The following CARMIL1 variants were observed in gnomAD, a reference collection of about 807,000 sequenced individuals.
CARMIL1 encodes capping protein regulator and myosin 1 linker 1.
A neutral mutation model predicts 177.1 loss-of-function variants in CARMIL1; 90 were observed. That is an observed-to-expected ratio of 0.51 (90% CI 0.43 to 0.61). The LOEUF (loss-of-function observed/expected upper bound fraction) is 0.61, where lower values mean the gene tolerates loss of function less well. Among genes scored for constraint, CARMIL1 ranks in the 20% least tolerant of loss-of-function variants. The pLI is 0.00. For synonymous variants in CARMIL1, 577 were observed against 606.2 expected (o/e 0.95, Z 0.71); for missense variants, 1,380 against 1,667.0 (o/e 0.83, Z 3.00).
intron 31 of CARMIL1, among the ~76,000 whole-genome samples, chr6:25,589,630 G>A (rs963859048): frequency 1.3e-5 from 2 of 152,130 alleles, no homozygotes; most frequent in Non-Finnish European, 2.9e-5. Flanking sequence ...TGGGATTACA[G>A]GTGTGCACCA....
intron 11 of CARMIL1, among the ~76,000 whole-genome samples, chr6:25,479,647 A>G (rs1326312497): frequency 6.6e-6 from 1 of 152,042 alleles, no homozygotes; most frequent in Non-Finnish European, 1.5e-5. Flanking sequence ...GCTGCTATCT[A>G]TTTAACTGGA....
At position 25,281,136 on chromosome 6, in the gene CARMIL1, G is replaced by GCGCACACACACA. The variant is rs10642536; in HGVS notation, c.40+1302_40+1303insGCACACACACAC. 2.4e-4 allele frequency among the ~76,000 whole-genome samples: 32 copies of GCGCACACACACA among 132,192 alleles called. No homozygotes were observed. The East Asian group carries it at 3.6e-3, about 15-fold the overall frequency. The allele number at this position is 132,192 out of a possible 152,430, so 86.7% of individuals were successfully genotyped here. A position where few individuals can be genotyped will look rare whatever the true frequency, so the allele number is the denominator to read the frequency against. On this transcript the variant is annotated intron_variant, in intron 1 of 36. Coordinates refer to ENST00000329474, the MANE Select transcript of CARMIL1 (RefSeq NM_017640.6). Reference sequence around the variant, plus strand: ...CAGACGCACGCGCGTGTGCGCGCGCGCACACACACACACACACACACACAC... The same window carrying GCGCACACACACA: ...CAGACGCACGCGCGTGTGCGCGCGCGCGCACACACACACACACACACACACACACACACACAC...
intron 8 of CARMIL1, among the ~76,000 whole-genome samples, chr6:25,465,178 A>G (rs191444873): frequency 1.2e-4 from 19 of 152,214 alleles, no homozygotes; most frequent in African/African-American, 3.6e-4. Flanking sequence ...CTTGCTTGCA[A>G]TATGAACTCC....
At chr6:25,292,885 T>C (rs1222640098) in intron 2 of CARMIL1, among the ~76,000 whole-genome samples, 1 of 152,070 alleles carries the variant, frequency 6.6e-6, no homozygotes, top group Non-Finnish European at 1.5e-5. Context: ...AATCAAAATA[T>C]GGAATGAATA....
intron 5 of CARMIL1, among the ~76,000 whole-genome samples, chr6:25,441,320 C>CATATATATATATATATATATATAT (rs199573016): frequency 7.0e-5 from 7 of 99,656 alleles, no homozygotes; most frequent in African/African-American, 2.0e-4. Context: ...AACAAACAAA[C>CATATATATATATATATATATATAT]ATATATATAT....
chr6:25,291,180 C>T (rs1454404174), intron 2 of CARMIL1, among the ~76,000 whole-genome samples: 2 of 151,978 alleles, frequency 1.3e-5, no homozygotes, highest in African/African-American at 4.8e-5. Context: ...CTTAATTAGA[C>T]TGGATTGGAG....
chr6:25,279,628 T>TG lies in CARMIL1; in HGVS notation c.-164dup. ...TTGCAACTCTTTTTTTTTTTTTTGG[T>TG]GGGGCGGGGGGCGCGCGGCAAAATT... On this transcript the variant is annotated 5_prime_UTR_variant, in exon 1 of 37. Transcript: ENST00000329474. 1 of 596,620 alleles carries TG rather than the reference T, an allele frequency of 1.7e-6. No homozygotes were observed. Among genetic ancestry groups the TG allele is most frequent in the South Asian group, 2.1e-5 (1 of 47,204 alleles). 37.0% of individuals were successfully genotyped at this position (596,620 alleles called of 1,614,324 possible). A position where few individuals can be genotyped will look rare whatever the true frequency, so the allele number is the denominator to read the frequency against.
intron 2 of CARMIL1, among the ~76,000 whole-genome samples, chr6:25,341,442 G>A (rs1007285694): frequency 6.6e-6 from 1 of 152,178 alleles, no homozygotes. Context: ...TCAGAATGCC[G>A]GCTGAGCATG....
chr6:25,563,517 G>A, intron 29 of CARMIL1: 1 of 985,456 alleles, frequency 1.0e-6, no homozygotes, highest in Non-Finnish European at 1.2e-6. Context: ...TCTGGAAGAA[G>A]GTGGCTGCTG....
chr6:25,588,501 G>A (rs371678122), intron 31 of CARMIL1, among the ~76,000 whole-genome samples: 28 of 152,124 alleles, frequency 1.8e-4, no homozygotes, highest in African/African-American at 6.5e-4. Flanking sequence ...GGCCAGGTCC[G>A]AAAGGATGAG....
Position 25,348,751 on chromosome 6 carries a change from C to T in CARMIL1, c.138+63842C>T, listed in dbSNP as rs561522243. Among the ~76,000 whole-genome samples the T allele has an allele frequency of 4.6e-5, 7 of 152,054 alleles. No homozygotes were observed. In the South Asian group the frequency reaches 8.3e-4, roughly 18 times the overall value. ...GAGCCGAGATCGTGCCTCTGCACTCCAGCCTGGTGACAGAGCTAGACTCTG... is the reference window on the plus strand; with the variant it reads ...GAGCCGAGATCGTGCCTCTGCACTCTAGCCTGGTGACAGAGCTAGACTCTG... On this transcript the variant is annotated intron_variant, in intron 2 of 36. Transcript: ENST00000329474.
At chr6:25,366,839 T>A (rs1789868977) in intron 2 of CARMIL1, among the ~76,000 whole-genome samples, 1 of 152,172 alleles carries the variant, frequency 6.6e-6, no homozygotes, top group Non-Finnish European at 1.5e-5. Context: ...CTACTTAAAA[T>A]GTATTTCTAA....
At chr6:25,386,150 T>A (rs1259110856) in intron 2 of CARMIL1, among the ~76,000 whole-genome samples, 1 of 152,232 alleles carries the variant, frequency 6.6e-6, no homozygotes, top group African/African-American at 2.4e-5. Flanking sequence ...ATAATACATT[T>A]AATTATTTTA....
At position 25,619,627 on chromosome 6, in the gene CARMIL1, G is replaced by A. The variant is rs373295708; in HGVS notation, c.*44G>A. The stretch of plus-strand genomic sequence containing the variant: ...TCTTCCTGTGCAGGGTGCTTTGGTA[G>A]CCATCAGAGAGGAACCAAGGGCAAC... On this transcript the variant is annotated 3_prime_UTR_variant, in exon 37 of 37. Transcript: ENST00000329474. The A allele has an allele frequency of 3.0e-5, 47 of 1,578,496 alleles. No homozygotes were observed. Among genetic ancestry groups the A allele is most frequent in the Admixed American group, 5.4e-5 (3 of 56,020 alleles).
At position 25,332,787 on chromosome 6, in the gene CARMIL1, A is replaced by ATACACACACACGCATACACACACACG. The variant is rs1561995941; in HGVS notation, c.138+47878_138+47879insTACACACACACGCATACACACACACG. 1.2e-3 allele frequency among the ~76,000 whole-genome samples: 179 copies of ATACACACACACGCATACACACACACG among 146,802 alleles called. 2 individuals carry two copies. The highest frequency in any genetic ancestry group is 6.9e-3 in the Middle Eastern group (2 of 288). ...CACACACACACGCGCACACACACAC[A>ATACACACACACGCATACACACACACG]CACACTTCTTTTAGGGAACTTCTCA... is the stretch of plus-strand genomic sequence containing the variant. On this transcript the variant is annotated intron_variant, in intron 2 of 36. Coordinates refer to ENST00000329474, the MANE Select transcript of CARMIL1 (RefSeq NM_017640.6).
rs41271815 is a variant in CARMIL1 at position 25,472,509 on chromosome 6, C to T, written c.862C>T (p.Leu288=). Reference sequence around the variant, plus strand: ...CACAATTAACCTTGCTGGCAACCCACTGGAGGATAGAGGTACTGCAGAGTT... The same window carrying T: ...CACAATTAACCTTGCTGGCAACCCATTGGAGGATAGAGGTACTGCAGAGTT... ...LHTINLAGNP[L]EDRGVSSLSI... Residue 288 remains leucine (L), a synonymous_variant, in exon 11 of 37, where the codon CTG becomes TTG. Coordinates refer to ENST00000329474, the MANE Select transcript of CARMIL1 (RefSeq NM_017640.6). The T allele has an allele frequency of 0.073, 114,145 of 1,574,262 alleles. 4,964 individuals carry two copies. The highest frequency in any genetic ancestry group is 0.13 in the South Asian group (11,076 of 85,280).
At chr6:25,510,444 T>G in intron 18 of CARMIL1, 63 bp from the exon 19 acceptor site, 1 of 990,766 alleles carries the variant, frequency 1.0e-6, no homozygotes, top group Non-Finnish European at 1.5e-6. Context: ...TTAATTGTGT[T>G]CCAGCTGAAA....
At chr6:25,501,871 A>G (rs1055303331) in intron 17 of CARMIL1, among the ~76,000 whole-genome samples, 1 of 152,128 alleles carries the variant, frequency 6.6e-6, no homozygotes, top group Admixed American at 6.5e-5. Flanking sequence ...TTTGTACCAT[A>G]TAAATTGTTA....
intron 5 of CARMIL1, among the ~76,000 whole-genome samples, chr6:25,441,333 A>ATGTG (rs1211206689): frequency 0.1 from 6,801 of 66,648 alleles, 234 homozygotes; most frequent in African/African-American, 0.16. Flanking sequence ...ATATATATAT[A>ATGTG]TATATGTGTG....
Sources: allele counts gnomAD v4.1 joint callset (sites outside exome capture counted in the v4.1 genomes callset), GRCh38; gene constraint gnomAD v4.1.1; transcripts MANE v1.5; gene names NCBI Gene and HGNC (gene_info 2026-07-23, HGNC 2026-07-21).